Variants in PATJ observed in about 807,000 individuals in gnomAD.
PATJ encodes the protein inaD-like protein.
A neutral mutation model predicts 224.9 loss-of-function variants in PATJ; 190 were observed. That is an observed-to-expected ratio of 0.84 (90% CI 0.75 to 0.95). The LOEUF (loss-of-function observed/expected upper bound fraction) is 0.95, where lower values mean the gene tolerates loss of function less well. PATJ is among the 40% of genes least tolerant of loss of function. The pLI is 0.00. For synonymous variants in PATJ, 769 were observed against 820.3 expected (o/e 0.94, Z 1.07); for missense variants, 2,121 against 2,270.3 (o/e 0.93, Z 1.34).
At chr1:62,020,541 A>G (rs914516643) in intron 29 of PATJ, among the ~76,000 whole-genome samples, 3 of 152,228 alleles carry the variant, frequency 2.0e-5, no homozygotes, top group African/African-American at 7.2e-5. Flanking sequence ...ACAGAAGGGA[A>G]AGCTGAATAG....
At chr1:61,748,580 T>C (rs1329900701) in intron 1 of PATJ, among the ~76,000 whole-genome samples, 1 of 152,100 alleles carries the variant, frequency 6.6e-6, no homozygotes, top group East Asian at 1.9e-4. Context: ...ATACTCCAAA[T>C]TATAGGTCCT....
At chr1:62,152,484 T>C (rs1668727314) in intron 42 of PATJ, among the ~76,000 whole-genome samples, 1 of 151,714 alleles carries the variant, frequency 6.6e-6, no homozygotes, top group Non-Finnish European at 1.5e-5. Flanking sequence ...AAACCTCATC[T>C]CTACTAAAAA....
Position 61,856,028 on chromosome 1 carries a change from A to G in PATJ, c.2113-2A>G, listed in dbSNP as rs1464186770. The G allele has an allele frequency of 2.5e-6, 4 of 1,612,630 alleles. No homozygotes were observed. The highest frequency in any genetic ancestry group is 1.1e-5 in the South Asian group (1 of 91,034). Reference sequence around the variant, plus strand: ...CATCCTTCTTCTTTGCTCGATTCACAGGACCCTTTAGATCCTACAAGATCA... The same window carrying G: ...CATCCTTCTTCTTTGCTCGATTCACGGGACCCTTTAGATCCTACAAGATCA... On this transcript the variant is annotated splice_acceptor_variant, in intron 17 of 43. Transcript: ENST00000642238. LOFTEE classifies it high-confidence loss of function.
intron 27 of PATJ, among the ~76,000 whole-genome samples, chr1:61,984,912 C>T (rs377542604): frequency 6.6e-6 from 1 of 151,946 alleles, no homozygotes; most frequent in South Asian, 2.1e-4. Flanking sequence ...GTATTATATT[C>T]CCTTTGTATC....
chr1:62,069,550 T>C (rs999025496), intron 31 of PATJ, among the ~76,000 whole-genome samples: 2 of 152,160 alleles, frequency 1.3e-5, no homozygotes, highest in Non-Finnish European at 2.9e-5. Flanking sequence ...GAGTAATCAA[T>C]ATAAGAAATG....
chr1:61,795,772 A>G (rs374749425), intron 10 of PATJ, among the ~76,000 whole-genome samples: 159 of 148,532 alleles, frequency 1.1e-3, no homozygotes, highest in Middle Eastern at 3.4e-3. Flanking sequence ...CACTAAACAT[A>G]TTGGTAAAAA....
At chr1:61,771,388 G>A (rs770754143) in intron 5 of PATJ, 43 bp from the exon 6 acceptor site, 3 of 1,288,812 alleles carry the variant, frequency 2.3e-6, no homozygotes, top group Non-Finnish European at 2.1e-6. Context: ...TAAAAATCAG[G>A]TTATTAGATC....
rs190971203 is a variant in PATJ at position 61,766,971 on chromosome 1, T to G, written c.384+498T>G. The stretch of plus-strand genomic sequence containing the variant: ...AGCCGGGCGTGGTGGCAGGCACCTG[T>G]AATCCCAGATAGTTGGGAGGCTGAG... On this transcript the variant is annotated intron_variant, in intron 4 of 43. Transcript: ENST00000642238. Among the ~76,000 whole-genome samples, 409 of 152,206 alleles carry G rather than the reference T, an allele frequency of 2.7e-3. 2 individuals are homozygous for G. The highest frequency in any genetic ancestry group is 9.4e-3 in the African/African-American group (392 of 41,534).
At chr1:62,155,620 T>C (rs1190514074) in intron 43 of PATJ, among the ~76,000 whole-genome samples, 1 of 149,216 alleles carries the variant, frequency 6.7e-6, no homozygotes, top group Non-Finnish European at 1.5e-5. Flanking sequence ...TTGTAAGGAA[T>C]AGATATTGAA....
intron 28 of PATJ, among the ~76,000 whole-genome samples, chr1:61,993,942 C>T (rs1035047605): frequency 2.0e-5 from 3 of 151,956 alleles, no homozygotes; most frequent in Non-Finnish European, 4.4e-5. Context: ...GGAATTTGGC[C>T]CTTTCATTGC....
At chr1:61,793,386 A>T (rs1650306000) in intron 9 of PATJ, among the ~76,000 whole-genome samples, 1 of 152,216 alleles carries the variant, frequency 6.6e-6, no homozygotes, top group Non-Finnish European at 1.5e-5. Flanking sequence ...GTTTACCAGA[A>T]GAAAGAAACT....
chr1:61,903,775 C>CTTTTT (rs11331898), intron 24 of PATJ, among the ~76,000 whole-genome samples: 1 of 131,600 alleles, frequency 7.6e-6, no homozygotes, highest in African/African-American at 2.9e-5. Context: ...TGGTACTTTG[C>CTTTTT]TTTTTTTTTT....
At chr1:62,028,396 T>C (rs988497740) in intron 29 of PATJ, among the ~76,000 whole-genome samples, 1 of 152,156 alleles carries the variant, frequency 6.6e-6, no homozygotes, top group Non-Finnish European at 1.5e-5. Context: ...TTCTTTTACA[T>C]GTAGATATCC....
At chr1:61,772,399 A>G (rs1273922735) in intron 6 of PATJ, among the ~76,000 whole-genome samples, 1 of 152,184 alleles carries the variant, frequency 6.6e-6, no homozygotes, top group Non-Finnish European at 1.5e-5. Flanking sequence ...AAAGATACAT[A>G]CTGAACAATT....
chr1:61,915,478 A>G (rs1398769631), intron 26 of PATJ, among the ~76,000 whole-genome samples: 1 of 152,030 alleles, frequency 6.6e-6, no homozygotes, highest in Admixed American at 6.6e-5. Context: ...TTAACTATTT[A>G]TATCATTTTT....
chr1:62,021,287 A>G (rs935002719), intron 29 of PATJ, among the ~76,000 whole-genome samples: 2 of 152,138 alleles, frequency 1.3e-5, no homozygotes, highest in African/African-American at 4.8e-5. Context: ...CTAGGGCACT[A>G]ATCCCATCAT....
chr1:62,089,802 A>C (rs1457926477), intron 33 of PATJ, among the ~76,000 whole-genome samples: 1 of 152,146 alleles, frequency 6.6e-6, no homozygotes, highest in East Asian at 1.9e-4. Flanking sequence ...ATGAGAGCAT[A>C]TCAAAGCGAA....
intron 17 of PATJ, chr1:61,852,609 G>C (rs538862768): frequency 9.5e-4 from 144 of 152,356 alleles, no homozygotes; most frequent in African/African-American, 3.3e-3. Flanking sequence ...ATTTATCTAT[G>C]TAAATATGCC....
At chr1:61,907,535 T>C (rs867334085) in intron 24 of PATJ, among the ~76,000 whole-genome samples, 2 of 152,214 alleles carry the variant, frequency 1.3e-5, no homozygotes, top group Non-Finnish European at 2.9e-5. Context: ...CATCCATTTT[T>C]TTCTCTGCAC....
Sources: gnomAD v4.1 joint callset for allele counts (sites outside exome capture counted in the v4.1 genomes callset) on GRCh38, gnomAD v4.1.1 for gene constraint, MANE v1.5 for transcripts, NCBI Gene and HGNC (gene_info 2026-07-23, HGNC 2026-07-21) for gene names.